Variants in CCDC141 observed in about 807,000 individuals in gnomAD.
CCDC141 encodes coiled-coil domain-containing protein 141.
A neutral mutation model predicts 181.0 loss-of-function variants in CCDC141; 168 were observed. The ratio of observed to expected loss-of-function variants is 0.93; its 90% CI spans 0.82 to 1.05. The LOEUF is 1.05. Among genes scored for constraint, CCDC141 ranks in the 50% least tolerant of loss-of-function variants. CCDC141 has a pLI of 0.00. For missense variants in CCDC141, 1,902 were observed against 1,788.5 expected, an observed-to-expected ratio of 1.06 and a Z score of -1.14; for synonymous variants, 666 against 642.3, an observed-to-expected ratio of 1.04 and a Z score of -0.56.
At chr2:178,894,500 T>TTG (rs1180038468) in intron 8 of CCDC141, among the ~76,000 whole-genome samples, 2 of 151,756 alleles carry the variant, frequency 1.3e-5, no homozygotes, top group Non-Finnish European at 2.9e-5. Flanking sequence ...ATGCCTGAGA[T>TTG]CATCAGAGAG....
intron 2 of CCDC141, among the ~76,000 whole-genome samples, chr2:179,014,179 C>T (rs2042358140): frequency 6.6e-6 from 1 of 151,948 alleles, no homozygotes; most frequent in South Asian, 2.1e-4. Context: ...GGAAAGGACA[C>T]CCTTTTCAAC....
At chr2:178,821,727 T>G in the CCDC141 span, among the ~76,000 whole-genome samples, 3 of 152,122 alleles carry the variant, frequency 2.0e-5, no homozygotes, top group Non-Finnish European at 4.4e-5. Context: ...TCACACCAGT[T>G]AGAATGGCAA....
At chr2:179,048,728 C>T (rs1265544645) in intron 1 of CCDC141, among the ~76,000 whole-genome samples, 1 of 152,134 alleles carries the variant, frequency 6.6e-6, no homozygotes, top group Admixed American at 6.5e-5. Context: ...GTGAGGAAGT[C>T]AGCAGAGGCC....
chr2:178,991,553 G>A (rs980978757), intron 2 of CCDC141, among the ~76,000 whole-genome samples: 3 of 152,140 alleles, frequency 2.0e-5, no homozygotes, highest in Non-Finnish European at 4.4e-5. Context: ...AAGGAAGAAG[G>A]AGGTAAAGAG....
chr2:179,024,374 A>C (rs1013117035), intron 2 of CCDC141, among the ~76,000 whole-genome samples: 2 of 152,214 alleles, frequency 1.3e-5, no homozygotes, highest in African/African-American at 4.8e-5. Flanking sequence ...TCCTGTGATT[A>C]TGTCATGAAT....
In CCDC141 at chr2:178,937,308, T is replaced by C. The variant is rs1416747747; in HGVS notation, c.897+7227A>G. ...GAAGATTTTTAAAATGAAGGAGTGC[T>C]TAATTTTATTGAAAGCCTCTTCCAC... On this transcript the variant is annotated intron_variant, in intron 6 of 23. Transcript: ENST00000443758. Among the ~76,000 whole-genome samples, 3 of 152,170 alleles carry C rather than the reference T, an allele frequency of 2.0e-5. No individual in the cohort carries two copies. In the South Asian group the frequency reaches 6.2e-4, roughly 32 times the overall value.
chr2:178,823,185 T>C, the CCDC141 span, among the ~76,000 whole-genome samples: 1 of 5,432 alleles, frequency 1.8e-4, no homozygotes, highest in East Asian at 0.083. Flanking sequence ...GATTATTTTT[T>C]CTCTGAGTTG....
At chr2:178,970,724 T>C (rs561698885) in intron 4 of CCDC141, among the ~76,000 whole-genome samples, 2 of 152,240 alleles carry the variant, frequency 1.3e-5, no homozygotes, top group African/African-American at 4.8e-5. Context: ...AGACTTCATG[T>C]CTAAAACACC....
Position 178,845,666 on chromosome 2 carries a change from G to C in CCDC141, c.3434C>G (p.Ala1145Gly). The C allele has an allele frequency of 6.2e-7, 1 of 1,609,672 alleles. No individual in the cohort carries two copies. Among genetic ancestry groups the C allele is most frequent in the Non-Finnish European group, 8.5e-7 (1 of 1,176,878 alleles). Reference sequence around the variant, plus strand: ...ATTGAATATTGTCTGCTTATTTTTTGCTGGTTCCTTTAGCAAGTCAATGTA... The same window carrying C: ...ATTGAATATTGTCTGCTTATTTTTTCCTGGTTCCTTTAGCAAGTCAATGTA... Reference protein sequence around the residue: ...YDYIDLLKEPAKNKQTIFNEE... With the variant: ...YDYIDLLKEPGKNKQTIFNEE... The change falls in exon 22 of 24, where the codon GCA becomes GGA. Residue 1145 changes from alanine (A) to glycine (G), a missense_variant. Physicochemically the swap from Ala to Gly is moderately conservative, Grantham distance 60 (BLOSUM62 0). Transcript: ENST00000443758.
At chr2:178,986,709 C>A (rs910473102) in intron 2 of CCDC141, among the ~76,000 whole-genome samples, 1 of 151,824 alleles carries the variant, frequency 6.6e-6, no homozygotes, top group African/African-American at 2.4e-5. Context: ...AGTGAACTCC[C>A]ATTCACAATT....
At chr2:178,908,385 G>C (rs1688075493) in intron 7 of CCDC141, among the ~76,000 whole-genome samples, 2 of 152,062 alleles carry the variant, frequency 1.3e-5, no homozygotes, top group African/African-American at 4.8e-5. Flanking sequence ...AGTAGAGATG[G>C]GTTTCATCAT....
intron 2 of CCDC141, among the ~76,000 whole-genome samples, chr2:179,015,805 GTA>G (rs2042511740): frequency 9.0e-6 from 1 of 110,796 alleles, no homozygotes; most frequent in South Asian, 2.9e-4. Flanking sequence ...TCTCATATAT[GTA>G]TCATATATAT....
chr2:178,840,705 G>C (rs997896624), intron 22 of CCDC141, among the ~76,000 whole-genome samples: 6 of 152,168 alleles, frequency 3.9e-5, no homozygotes, highest in Non-Finnish European at 8.8e-5. Context: ...GAAGTTTAGG[G>C]AAACCCACTA....
At chr2:178,938,095 T>C (rs1689362779) in intron 6 of CCDC141, among the ~76,000 whole-genome samples, 1 of 152,156 alleles carries the variant, frequency 6.6e-6, no homozygotes, top group Non-Finnish European at 1.5e-5. Context: ...CTTCTTGTCT[T>C]TTGCTAGCTT....
chr2:179,036,203 C>T (rs1347054163), intron 2 of CCDC141, among the ~76,000 whole-genome samples: 1 of 152,174 alleles, frequency 6.6e-6, no homozygotes, highest in East Asian at 1.9e-4. Context: ...TCTCTGCCTA[C>T]AAAATTCTCT....
At chr2:178,986,503 A>G (rs1267887165) in intron 2 of CCDC141, among the ~76,000 whole-genome samples, 7 of 152,236 alleles carry the variant, frequency 4.6e-5, no homozygotes, top group African/African-American at 1.2e-4. Context: ...AGGGTATTCA[A>G]TCAGGAAAAG....
chr2:179,015,107 A>ATATATAT (rs2042419025), intron 2 of CCDC141, among the ~76,000 whole-genome samples: 2 of 24,972 alleles, frequency 8.0e-5, no homozygotes, highest in Admixed American at 3.1e-4. Flanking sequence ...TATATATAAT[A>ATATATAT]TATATATAAT....
At chr2:179,049,764 T>C in intron 1 of CCDC141, 76 bp downstream of exon 1, 1 of 1,480,884 alleles carries the variant, frequency 6.8e-7, no homozygotes, top group Middle Eastern at 1.7e-4. Flanking sequence ...GCCGATTGCA[T>C]GGAATGTTCT....
At chr2:178,891,341 G>A (rs1687139478) in intron 8 of CCDC141, among the ~76,000 whole-genome samples, 1 of 152,104 alleles carries the variant, frequency 6.6e-6, no homozygotes, top group Non-Finnish European at 1.5e-5. Context: ...AGTAGACTGA[G>A]GAACAGAGAC....
Sources: allele counts gnomAD v4.1 joint callset (sites outside exome capture counted in the v4.1 genomes callset), GRCh38; gene constraint gnomAD v4.1.1; transcripts MANE v1.5; gene names NCBI Gene and HGNC (gene_info 2026-07-23, HGNC 2026-07-21).